Variants in PTPRD observed in about 807,000 individuals in gnomAD.
PTPRD encodes protein tyrosine phosphatase receptor type D.
Under a neutral mutation model 214.5 loss-of-function variants are expected in PTPRD, and 34 were observed. That is an observed-to-expected ratio of 0.16 (90% confidence interval 0.12 to 0.21). PTPRD has a LOEUF of 0.21. PTPRD is among the 10% of genes least tolerant of loss of function. The pLI is 1.00. For missense variants in PTPRD, 2,545 were observed against 2,398.7 expected (o/e 1.06, Z -1.27); for synonymous variants, 1,128 against 845.7 (o/e 1.33, Z -5.79).
At chr9:8,467,290 G>A (rs570239285) in intron 31 of PTPRD, among the ~76,000 whole-genome samples, 1 of 151,870 alleles carries the variant, frequency 6.6e-6, no homozygotes, top group South Asian at 2.1e-4. Flanking sequence ...GCACCAATTG[G>A]CCAGTAAAAA....
At chr9:8,727,931 A>C (rs1481581048) in intron 12 of PTPRD, among the ~76,000 whole-genome samples, 1 of 152,234 alleles carries the variant, frequency 6.6e-6, no homozygotes, top group East Asian at 1.9e-4. Flanking sequence ...TATACTCAGT[A>C]CCAACACTCT....
At chr9:8,324,263 C>G (rs945723935) in intron 44 of PTPRD, among the ~76,000 whole-genome samples, 1 of 152,090 alleles carries the variant, frequency 6.6e-6, no homozygotes, top group Non-Finnish European at 1.5e-5. Flanking sequence ...CCCCCACCCC[C>G]TGGCAGGCCC....
At chr9:9,898,537 C>T (rs756229357) in intron 5 of PTPRD, among the ~76,000 whole-genome samples, 9 of 152,020 alleles carry the variant, frequency 5.9e-5, no homozygotes, top group South Asian at 2.1e-4. Context: ...CTCTAGATTA[C>T]GCTCTAGATG....
At chr9:10,579,373 T>C (rs1228624630) in intron 2 of PTPRD, among the ~76,000 whole-genome samples, 1 of 152,158 alleles carries the variant, frequency 6.6e-6, no homozygotes, top group African/African-American at 2.4e-5. Flanking sequence ...AGTATTTGGT[T>C]TCCTGTTCCT....
intron 8 of PTPRD, among the ~76,000 whole-genome samples, chr9:9,399,511 C>T (rs1374881550): frequency 6.6e-6 from 1 of 152,046 alleles, no homozygotes; most frequent in African/African-American, 2.4e-5. Flanking sequence ...ACATTTTCCC[C>T]TCCAAAGGTC....
intron 11 of PTPRD, among the ~76,000 whole-genome samples, chr9:8,961,337 C>T (rs1042216905): frequency 6.6e-6 from 1 of 152,086 alleles, no homozygotes; most frequent in Non-Finnish European, 1.5e-5. Flanking sequence ...AAGCCAAAGG[C>T]CACTTGAGGT....
At chr9:9,911,603 C>T (rs1331095156) in intron 5 of PTPRD, among the ~76,000 whole-genome samples, 1 of 151,998 alleles carries the variant, frequency 6.6e-6, no homozygotes, top group Non-Finnish European at 1.5e-5. Flanking sequence ...ATTTCATTTT[C>T]ATAATAATTT....
At chr9:10,334,044 A>G (rs2096798278) in intron 3 of PTPRD, among the ~76,000 whole-genome samples, 1 of 151,794 alleles carries the variant, frequency 6.6e-6, no homozygotes, top group Admixed American at 6.6e-5. Flanking sequence ...GCAAGTATAT[A>G]TAGTGGAAAG....
chr9:9,998,860 C>T (rs1472784798), intron 4 of PTPRD, among the ~76,000 whole-genome samples: 3 of 152,168 alleles, frequency 2.0e-5, no homozygotes, highest in Non-Finnish European at 4.4e-5. Context: ...CTCATGCTGC[C>T]ATTTGGAAGA....
At chr9:8,455,483 G>A (rs2096155981) in intron 33 of PTPRD, among the ~76,000 whole-genome samples, 1 of 152,102 alleles carries the variant, frequency 6.6e-6, no homozygotes, top group Admixed American at 6.5e-5. Context: ...GAGGCAAATT[G>A]CAAAGTTTTC....
chr9:8,730,705 C>A (rs897094417), intron 12 of PTPRD, among the ~76,000 whole-genome samples: 1 of 152,158 alleles, frequency 6.6e-6, no homozygotes, highest in Admixed American at 6.5e-5. Context: ...AGAAGAAAAA[C>A]ATTCACCTGA....
rs1242273442 is a variant in PTPRD, at chr9:8,350,003, A to G, written c.4662-8025T>C. On this transcript the variant is annotated intron_variant, in intron 39 of 45. Coordinates refer to ENST00000381196, the MANE Select transcript of PTPRD (RefSeq NM_002839.4). Reference sequence around the variant, plus strand: ...TGTTTACAAGCTGAAAGACTATGCAATCCATTAAACAAGTATGCCTACTAG... The same window carrying G: ...TGTTTACAAGCTGAAAGACTATGCAGTCCATTAAACAAGTATGCCTACTAG... Among the ~76,000 whole-genome samples, 3 of 151,690 alleles carry G rather than the reference A, an allele frequency of 2.0e-5. No individual in the cohort carries two copies. The East Asian group carries it at 5.8e-4, about 29-fold the overall frequency.
intron 5 of PTPRD, among the ~76,000 whole-genome samples, chr9:9,813,011 G>A (rs1424892839): frequency 6.6e-6 from 1 of 151,928 alleles, no homozygotes; most frequent in East Asian, 1.9e-4. Flanking sequence ...GAGAAAATAG[G>A]AAAATTCACA....
intron 9 of PTPRD, among the ~76,000 whole-genome samples, chr9:9,236,521 C>A (rs959103745): frequency 6.6e-6 from 1 of 151,768 alleles, no homozygotes; most frequent in Admixed American, 6.6e-5. Flanking sequence ...CACTCCAGAT[C>A]TTTTGCATTT....
chr9:10,559,077 C>T (rs751723533), intron 2 of PTPRD, among the ~76,000 whole-genome samples: 1 of 152,002 alleles, frequency 6.6e-6, no homozygotes, highest in Non-Finnish European at 1.5e-5. Context: ...AGAGTAAAAA[C>T]AAATGTAATA....
chr9:10,554,731 G>A (rs1191199161), intron 2 of PTPRD, among the ~76,000 whole-genome samples: 2 of 151,990 alleles, frequency 1.3e-5, no homozygotes, highest in African/African-American at 2.4e-5. Flanking sequence ...CACCATCTTG[G>A]CTCCCTGCAA....
intron 10 of PTPRD, among the ~76,000 whole-genome samples, chr9:9,097,407 T>A (rs576266376): frequency 6.6e-6 from 1 of 151,492 alleles, no homozygotes; most frequent in Non-Finnish European, 1.5e-5. Flanking sequence ...TGGCTCTTTT[T>A]TTTTTTTTCT....
rs191605306 is a variant in PTPRD, at chr9:9,771,092, A to T, written c.-367-4241T>A. Among the ~76,000 whole-genome samples, 336 of 152,338 alleles carry T rather than the reference A, an allele frequency of 2.2e-3. 2 individuals carry two copies. The highest frequency in any genetic ancestry group is 0.017 in the Middle Eastern group (5 of 294). On this transcript the variant is annotated intron_variant, in intron 5 of 45. Coordinates refer to ENST00000381196, the MANE Select transcript of PTPRD (RefSeq NM_002839.4). The stretch of plus-strand genomic sequence containing the variant: ...TTACTCCAAAACAAATTAAATGATC[A>T]TCACAATGATTTATGCACCTTATGC...
intron 12 of PTPRD, among the ~76,000 whole-genome samples, chr9:8,720,873 C>T (rs2098486262): frequency 6.6e-6 from 1 of 152,012 alleles, no homozygotes; most frequent in South Asian, 2.1e-4. Flanking sequence ...TGCCCACTGG[C>T]ATCTCTTGGG....
Sources: allele counts gnomAD v4.1 joint callset (sites outside exome capture counted in the v4.1 genomes callset), GRCh38; gene constraint gnomAD v4.1.1; transcripts MANE v1.5; gene names NCBI Gene and HGNC (gene_info 2026-07-23, HGNC 2026-07-21).